SCIN: variants seen among roughly 807,000 people sequenced by gnomAD.
SCIN encodes the protein scinderin.
SCIN carries 91 observed loss-of-function variants against 91.8 expected under a neutral mutation model. The ratio of observed to expected loss-of-function variants is 0.99; its 90% CI spans 0.84 to 1.18. The LOEUF (loss-of-function observed/expected upper bound fraction) is 1.18, where lower values mean the gene tolerates loss of function less well. Among genes scored for constraint, SCIN ranks in the 50% most tolerant of loss-of-function variants. The probability of loss-of-function intolerance (pLI) is 0.00; values close to 1 mark genes in which losing one functional copy is unlikely to be tolerated. For synonymous variants in SCIN, 367 were observed against 312.6 expected (o/e 1.17, Z -1.84); for missense variants, 1,087 against 863.9 (o/e 1.26, Z -3.24).
intron 3 of SCIN, among the ~76,000 whole-genome samples, chr7:12,584,369 C>G (rs1782545779): frequency 6.6e-6 from 1 of 152,196 alleles, no homozygotes; most frequent in African/African-American, 2.4e-5. Context: ...CTAAGGCCAC[C>G]TGGCCAAAAC....
chr7:12,644,292 G>A lies in SCIN; in HGVS notation c.1736G>A (p.Arg579Lys). 1 of 1,592,786 alleles carries A rather than the reference G, an allele frequency of 6.3e-7. No homozygotes were observed. The highest frequency in any genetic ancestry group is 8.6e-7 in the Non-Finnish European group (1 of 1,169,112). The change falls in exon 12 of 16, where the codon AGG becomes AAG. Residue 579 changes from arginine (R) to lysine (K), a missense_variant. Transcript: ENST00000297029. The stretch of plus-strand genomic sequence containing the variant: ...AGTGTCCTAAAGTGCAAAACCTTAA[G>A]GATCCAAGAAGGCGAGGAGCCAGGT... ...VASVLKCKTLRIQEGEEPEEF... is the reference protein window; with the variant it reads ...VASVLKCKTLKIQEGEEPEEF...
chr7:12,608,619 A>T (rs1250680086), intron 4 of SCIN, among the ~76,000 whole-genome samples: 1 of 152,028 alleles, frequency 6.6e-6, no homozygotes, highest in East Asian at 1.9e-4. Context: ...CTAGGATTAC[A>T]GGCACCCACC....
At chr7:12,617,720 A>C (rs1783328003) in intron 4 of SCIN, among the ~76,000 whole-genome samples, 1 of 152,156 alleles carries the variant, frequency 6.6e-6, no homozygotes, top group Admixed American at 6.5e-5. Context: ...GCCACAGAGC[A>C]CTTGAATCAC....
intron 9 of SCIN, among the ~76,000 whole-genome samples, chr7:12,633,715 A>C (rs1783690527): frequency 6.6e-6 from 1 of 152,222 alleles, no homozygotes; most frequent in Non-Finnish European, 1.5e-5. Context: ...CATTTTTAAC[A>C]GCTGGAAGCG....
chr7:12,641,871 C>T (rs1418832775), intron 11 of SCIN, among the ~76,000 whole-genome samples: 1 of 152,102 alleles, frequency 6.6e-6, no homozygotes, highest in Non-Finnish European at 1.5e-5. Context: ...TCAGAGTTCA[C>T]AGAGAAGATA....
intron 3 of SCIN, among the ~76,000 whole-genome samples, chr7:12,587,688 A>G (rs188608131): frequency 2.6e-5 from 4 of 152,152 alleles, no homozygotes; most frequent in Non-Finnish European, 4.4e-5. Flanking sequence ...TGCTACCCTC[A>G]GTCATTTCTG....
At chr7:12,589,748 C>G (rs1044909537) in intron 3 of SCIN, among the ~76,000 whole-genome samples, 6 of 152,048 alleles carry the variant, frequency 3.9e-5, no homozygotes, top group African/African-American at 1.4e-4. Context: ...TTTGGGAGGG[C>G]CTGGTCGGCT....
intron 1 of SCIN, among the ~76,000 whole-genome samples, chr7:12,575,383 T>A (rs1782349762): frequency 6.6e-6 from 1 of 152,002 alleles, no homozygotes; most frequent in African/African-American, 2.4e-5. Context: ...TAGAACTTGC[T>A]GTACTATGTT....
At chr7:12,590,958 A>T (rs1396791122) in intron 3 of SCIN, among the ~76,000 whole-genome samples, 5 of 152,050 alleles carry the variant, frequency 3.3e-5, no homozygotes, top group Non-Finnish European at 7.4e-5. Flanking sequence ...GAGAGCTATG[A>T]GTTCTGCTTT....
Position 12,581,308 on chromosome 7 carries a change from A to C in SCIN, c.516+87A>C. Reference sequence around the variant, plus strand: ...TATGTACATGTCATTGAAAAGAATCACTTTTTCTACACACCAGAAAGGGGC... The same window carrying C: ...TATGTACATGTCATTGAAAAGAATCCCTTTTTCTACACACCAGAAAGGGGC... On this transcript the variant is annotated intron_variant, in intron 3 of 15. Transcript: ENST00000297029. 5 of 1,344,694 alleles carry C rather than the reference A, an allele frequency of 3.7e-6. No homozygotes were observed. The South Asian group carries it at 7.2e-5, about 19-fold the overall frequency. The allele number at this position is 1,344,694 out of a possible 1,614,324, so 83.3% of individuals were successfully genotyped here. A position where few individuals can be genotyped will look rare whatever the true frequency, so the allele number is the denominator to read the frequency against.
intron 9 of SCIN, among the ~76,000 whole-genome samples, chr7:12,634,840 T>C (rs1233163088): frequency 6.6e-6 from 1 of 152,180 alleles, no homozygotes; most frequent in Non-Finnish European, 1.5e-5. Context: ...ACATGTTGAT[T>C]GACCCTTATC....
chr7:12,580,916 G>A, intron 2 of SCIN, 144 bp from the exon 3 acceptor site: 1 of 675,822 alleles, frequency 1.5e-6, no homozygotes, highest in Non-Finnish European at 2.4e-6. Flanking sequence ...TTGTTTTATG[G>A]AATAGGTGGC....
At chr7:12,609,700 T>G (rs1783152616) in intron 4 of SCIN, among the ~76,000 whole-genome samples, 1 of 152,222 alleles carries the variant, frequency 6.6e-6, no homozygotes, top group South Asian at 2.1e-4. Context: ...ATGAATTCGT[T>G]AAGCCTATAA....
At chr7:12,628,532 C>T (rs142885105) in intron 8 of SCIN, among the ~76,000 whole-genome samples, 1,955 of 152,254 alleles carry the variant, frequency 0.013, 19 homozygotes, top group Non-Finnish European at 0.021. Context: ...GCTCCAGCCT[C>T]ATGACCTAAT....
chr7:12,630,999 C>G (rs113672291), intron 9 of SCIN, among the ~76,000 whole-genome samples: 49 of 152,192 alleles, frequency 3.2e-4, no homozygotes, highest in African/African-American at 1.1e-3. Context: ...TCTTAATTCT[C>G]TTTTGAATAT....
chr7:12,588,680 G>A (rs935509486), intron 3 of SCIN, among the ~76,000 whole-genome samples: 4 of 151,692 alleles, frequency 2.6e-5, no homozygotes, highest in African/African-American at 4.9e-5. Flanking sequence ...GTTTATCCAC[G>A]TTTCTCGTGA....
At chr7:12,621,361 C>T (rs181322781) in intron 4 of SCIN, among the ~76,000 whole-genome samples, 10 of 152,084 alleles carry the variant, frequency 6.6e-5, no homozygotes, top group Non-Finnish European at 1.2e-4. Flanking sequence ...ATGCTGCAGT[C>T]CTTTGAGAAG....
intron 3 of SCIN, among the ~76,000 whole-genome samples, chr7:12,588,076 A>G (rs1036665577): frequency 2.0e-5 from 3 of 152,236 alleles, no homozygotes; most frequent in African/African-American, 7.2e-5. Context: ...AAAACTAAAG[A>G]CTGAACTAAA....
chr7:12,578,257 T>A (rs1684170670), intron 2 of SCIN, 39 bp downstream of exon 2: 1 of 1,512,094 alleles, frequency 6.6e-7, no homozygotes, highest in African/African-American at 1.4e-5. Flanking sequence ...AATCCCTTTC[T>A]CCTCTTGTCC....
Sources: allele counts gnomAD v4.1 joint callset (sites outside exome capture counted in the v4.1 genomes callset), GRCh38; gene constraint gnomAD v4.1.1; transcripts MANE v1.5; gene names NCBI Gene and HGNC (gene_info 2026-07-23, HGNC 2026-07-21).